The following WIPF2 variants were observed in gnomAD, a reference collection of about 807,000 sequenced individuals.
WIPF2 encodes WAS/WASL interacting protein family member 2, also known as WAS/WASL-interacting protein family member 2.
A neutral mutation model predicts 38.8 loss-of-function variants in WIPF2; 23 were observed. The observed-to-expected ratio is 0.59, with a 90% CI of 0.43 to 0.84. The LOEUF is 0.84. WIPF2 is among the 40% of genes least tolerant of loss of function. The pLI, the probability that WIPF2 is intolerant of heterozygous loss-of-function variation, is 0.00. For missense variants in WIPF2, 574 were observed against 580.5 expected (o/e 0.99, Z 0.11); for synonymous variants, 210 against 223.2 (o/e 0.94, Z 0.53).
chr17:40,278,251 GA>G lies in WIPF2; in HGVS notation c.*30del, dbSNP rs771992460. 1.2e-6 allele frequency: 2 copies of G among 1,612,444 alleles called. No individual in the cohort carries two copies. The highest frequency in any genetic ancestry group is 1.7e-4 in the Middle Eastern group (1 of 6,058). On this transcript the variant is annotated 3_prime_UTR_variant, in exon 8 of 8. Coordinates refer to ENST00000323571, the MANE Select transcript of WIPF2 (RefSeq NM_133264.5). ...AGCCTGGCTTGGTCCCGTTCCTCAG[GA>G]AAAGGATGGACCTTCTCTTCTTCTC...
At chr17:40,220,618 T>TATATAC (rs2030182395) in intron 1 of WIPF2, 5 of 112,660 alleles carry the variant, frequency 4.4e-5, no homozygotes, top group Non-Finnish European at 9.1e-5. Flanking sequence ...TATATATATA[T>TATATAC]GTATATATAT....
At chr17:40,240,701 T>C (rs1269003644) in intron 1 of WIPF2, among the ~76,000 whole-genome samples, 1 of 151,812 alleles carries the variant, frequency 6.6e-6, no homozygotes, top group Non-Finnish European at 1.5e-5. Context: ...TCCCGGCATT[T>C]TGGGAGGCTG....
At chr17:40,223,989 A>G (rs1017683204) in intron 1 of WIPF2, among the ~76,000 whole-genome samples, 1 of 151,876 alleles carries the variant, frequency 6.6e-6, no homozygotes, top group African/African-American at 2.4e-5. Context: ...TGTGAAATTC[A>G]TGGGCTCTTG....
At chr17:40,250,126 T>C (rs935844190) in intron 1 of WIPF2, among the ~76,000 whole-genome samples, 2 of 150,010 alleles carry the variant, frequency 1.3e-5, no homozygotes, top group South Asian at 4.2e-4. Context: ...GCCACCCTGC[T>C]GGACCGGACA....
chr17:40,262,202 T>G (rs1201769998), intron 3 of WIPF2, among the ~76,000 whole-genome samples: 1 of 151,128 alleles, frequency 6.6e-6, no homozygotes, highest in African/African-American at 2.4e-5. Context: ...CATCTCAGCC[T>G]CCCGAGTAGC....
rs1338751897 is a variant in WIPF2 at position 40,282,731 on chromosome 17, G to T, written c.*4506G>T. 1.3e-5 allele frequency: 2 copies of T among 152,166 alleles called. No homozygotes were observed. The highest frequency in any genetic ancestry group is 4.8e-5 in the African/African-American group (2 of 41,430). 9.4% of individuals were successfully genotyped at this position (152,166 alleles called of 1,614,324 possible). A position where few individuals can be genotyped will look rare whatever the true frequency, so the allele number is the denominator to read the frequency against. On this transcript the variant is annotated 3_prime_UTR_variant, in exon 8 of 8. Transcript: ENST00000323571. Reference sequence around the variant, plus strand: ...ACTCTTGTCTGGAATACCGCCTCAGGTGGTGGCACAGAGAGGGGAGAAAAC... The same window carrying T: ...ACTCTTGTCTGGAATACCGCCTCAGTTGGTGGCACAGAGAGGGGAGAAAAC...
chr17:40,223,161 T>G (rs1006455358), intron 1 of WIPF2, among the ~76,000 whole-genome samples: 1 of 151,840 alleles, frequency 6.6e-6, no homozygotes, highest in African/African-American at 2.4e-5. Context: ...TTATTTATTT[T>G]GAGACAGAGT....
At chr17:40,224,680 A>C (rs2030407923) in intron 1 of WIPF2, among the ~76,000 whole-genome samples, 1 of 151,832 alleles carries the variant, frequency 6.6e-6, no homozygotes, top group African/African-American at 2.4e-5. Context: ...TCTGGTGGAC[A>C]TCTTGTCTGT....
At chr17:40,251,623 G>T (rs1427708186) in intron 1 of WIPF2, among the ~76,000 whole-genome samples, 2 of 152,102 alleles carry the variant, frequency 1.3e-5, no homozygotes, top group African/African-American at 4.8e-5. Flanking sequence ...GGAGTTTTTT[G>T]TTTGTTTTCT....
In WIPF2 at chr17:40,278,782, ATTTTGT is replaced by A; in HGVS notation, c.*565_*570del. On this transcript the variant is annotated 3_prime_UTR_variant, in exon 8 of 8. Transcript: ENST00000323571. Reference sequence around the variant, plus strand: ...TTGGGTCTGCTTTATTTTTGGGGGTATTTTGTTTTTGTTCTCACCTGCTGCCCCCCC... The same window carrying A: ...TTGGGTCTGCTTTATTTTTGGGGGTATTTTGTTCTCACCTGCTGCCCCCCC... The A allele has an allele frequency of 6.6e-6, 1 of 152,306 alleles. No individual in the cohort carries two copies. Among genetic ancestry groups the A allele is most frequent in the South Asian group, 2.1e-4 (1 of 4,810 alleles). The allele number at this position is 152,306 out of a possible 1,614,324, so 9.4% of individuals were successfully genotyped here.
At chr17:40,270,493 T>A (rs190307149) in intron 5 of WIPF2, among the ~76,000 whole-genome samples, 43 of 152,200 alleles carry the variant, frequency 2.8e-4, no homozygotes, top group African/African-American at 1.0e-3. Flanking sequence ...CTTACCCTGC[T>A]CTATTTTGCC....
At chr17:40,247,535 T>C (rs1208421231) in intron 1 of WIPF2, among the ~76,000 whole-genome samples, 2 of 150,854 alleles carry the variant, frequency 1.3e-5, no homozygotes. Flanking sequence ...TTTTTTACTT[T>C]TTTTGAGACA....
In WIPF2 at chr17:40,273,781, T is replaced by TG. The variant is rs2032309116; in HGVS notation, c.971-9_971-8insG. On this transcript the variant is annotated splice_polypyrimidine_tract_variant and intron_variant, in intron 5 of 7. Transcript: ENST00000323571. ...ATCCAAACCTAACTACTTTGGATTT[T>TG]AATTGCAGCTCCTCCACCCCCACCA... is the stretch of plus-strand genomic sequence containing the variant. The TG allele has an allele frequency of 1.2e-6, 2 of 1,600,176 alleles. No homozygotes were observed. The highest frequency in any genetic ancestry group is 2.2e-5 in the South Asian group (2 of 90,778).
At chr17:40,250,719 G>A (rs1257983473) in intron 1 of WIPF2, among the ~76,000 whole-genome samples, 2 of 151,948 alleles carry the variant, frequency 1.3e-5, no homozygotes, top group African/African-American at 4.8e-5. Context: ...TTAAAATTCT[G>A]TAGAGAACCT....
intron 1 of WIPF2, among the ~76,000 whole-genome samples, chr17:40,234,233 G>A (rs1190583538): frequency 6.6e-6 from 1 of 152,060 alleles, no homozygotes; most frequent in Non-Finnish European, 1.5e-5. Context: ...TGGGTGTGGT[G>A]GCAAGTGCCT....
intron 3 of WIPF2, among the ~76,000 whole-genome samples, chr17:40,261,711 G>A (rs536566551): frequency 1.0e-4 from 14 of 137,086 alleles, no homozygotes; most frequent in Admixed American, 3.8e-4. Flanking sequence ...TTTGGAGACA[G>A]AATCTCACTC....
In WIPF2 at chr17:40,250,219, G is replaced by GTTTTTTTTTTTTTTTTTTTT. The variant is rs1170849046; in HGVS notation, c.-69-6163_-69-6144dup. Among the ~76,000 whole-genome samples the GTTTTTTTTTTTTTTTTTTTT allele has an allele frequency of 3.2e-5, 2 of 62,508 alleles. 1 individual carries two copies. Among genetic ancestry groups the GTTTTTTTTTTTTTTTTTTTT allele is most frequent in the Non-Finnish European group, 6.1e-5 (2 of 32,774 alleles). 41.0% of individuals were successfully genotyped at this position (62,508 alleles called of 152,430 possible). On this transcript the variant is annotated intron_variant, in intron 1 of 7. Transcript: ENST00000323571. ...GGATGTGCAAAGCGAATTTTATCAT[G>GTTTTTTTTTTTTTTTTTTTT]TTTTTTTTTTTTTTTTTTTTTTTTT...
At chr17:40,236,039 A>G (rs902251082) in intron 1 of WIPF2, among the ~76,000 whole-genome samples, 2 of 150,196 alleles carry the variant, frequency 1.3e-5, no homozygotes, top group Non-Finnish European at 3.0e-5. Flanking sequence ...GCTCACTGCA[A>G]CCTCCGCCTC....
chr17:40,228,937 A>C (rs1162564398), intron 1 of WIPF2, among the ~76,000 whole-genome samples: 7 of 149,196 alleles, frequency 4.7e-5, no homozygotes, highest in Admixed American at 4.7e-4. Flanking sequence ...ACGGTGGAAG[A>C]CTTTTTTTTT....
Sources: gnomAD v4.1 joint callset for allele counts (sites outside exome capture counted in the v4.1 genomes callset) on GRCh38, gnomAD v4.1.1 for gene constraint, MANE v1.5 for transcripts, NCBI Gene and HGNC (gene_info 2026-07-23, HGNC 2026-07-21) for gene names.